DRAM1: variants seen among roughly 807,000 people sequenced by gnomAD.
The protein encoded by DRAM1 is DNA damage-regulated autophagy modulator protein 1.
A neutral mutation model predicts 28.5 loss-of-function variants in DRAM1; 25 were observed. The observed-to-expected ratio is 0.88, with a 90% CI of 0.64 to 1.23. DRAM1 has a LOEUF of 1.23. Among genes scored for constraint, DRAM1 ranks in the 50% most tolerant of loss-of-function variants. The probability of loss-of-function intolerance (pLI) is 0.00; values close to 1 mark genes in which losing one functional copy is unlikely to be tolerated. For synonymous variants in DRAM1, 113 were observed against 114.2 expected, an observed-to-expected ratio of 0.99 and a Z score of 0.07; for missense variants, 249 against 299.2, an observed-to-expected ratio of 0.83 and a Z score of 1.24.
At chr12:101,894,989 C>G (rs1422376134) in intron 1 of DRAM1, among the ~76,000 whole-genome samples, 1 of 152,038 alleles carries the variant, frequency 6.6e-6, no homozygotes, top group East Asian at 1.9e-4. Flanking sequence ...ATTTCCCTGG[C>G]AGAGTTAATT....
intron 1 of DRAM1, among the ~76,000 whole-genome samples, chr12:101,881,785 T>C (rs1872695314): frequency 6.6e-6 from 1 of 152,226 alleles, no homozygotes; most frequent in African/African-American, 2.4e-5. Flanking sequence ...ACCTGACCAC[T>C]ACTGGTCTCC....
chr12:101,891,976 C>T (rs1873143868), intron 1 of DRAM1, among the ~76,000 whole-genome samples: 1 of 152,140 alleles, frequency 6.6e-6, no homozygotes, highest in Non-Finnish European at 1.5e-5. Context: ...ATGATGGAAT[C>T]ATTTAGCTTG....
chr12:101,878,403 A>G (rs532321295), intron 1 of DRAM1, among the ~76,000 whole-genome samples: 43 of 152,276 alleles, frequency 2.8e-4, no homozygotes, highest in African/African-American at 1.0e-3. Context: ...CATCAACGTG[A>G]CACTGATGTC....
chr12:101,886,868 G>A (rs974728905), intron 1 of DRAM1, among the ~76,000 whole-genome samples: 3 of 152,168 alleles, frequency 2.0e-5, no homozygotes, highest in African/African-American at 7.2e-5. Context: ...TGGTTGGGCC[G>A]GATGCAGTGG....
intron 1 of DRAM1, among the ~76,000 whole-genome samples, chr12:101,879,286 G>A (rs1471419766): frequency 1.3e-5 from 2 of 152,120 alleles, no homozygotes; most frequent in Non-Finnish European, 2.9e-5. Context: ...GTGTGAGCCA[G>A]TGTTCCCAGG....
intron 1 of DRAM1, among the ~76,000 whole-genome samples, chr12:101,897,539 T>C (rs1873431898): frequency 6.6e-6 from 1 of 152,088 alleles, no homozygotes; most frequent in Admixed American, 6.6e-5. Flanking sequence ...TGTTTTTGTT[T>C]TTCTTTTTCA....
At chr12:101,880,278 CTTTTTTTTTTTTTTTTT>C (rs61082909) in intron 1 of DRAM1, among the ~76,000 whole-genome samples, 1 of 70,094 alleles carries the variant, frequency 1.4e-5, no homozygotes, top group Non-Finnish European at 2.5e-5. Flanking sequence ...GCAATGCTTC[CTTTTTTTTTTTTTTTTT>C]TTTTTTTTTT....
At chr12:101,913,032 A>G (rs1206216125) in intron 4 of DRAM1, among the ~76,000 whole-genome samples, 2 of 152,096 alleles carry the variant, frequency 1.3e-5, no homozygotes, top group African/African-American at 4.8e-5. Flanking sequence ...CCGGCCTAAC[A>G]TTTTGAATTT....
intron 1 of DRAM1, among the ~76,000 whole-genome samples, chr12:101,894,386 G>A (rs1566123504): frequency 6.6e-6 from 1 of 152,060 alleles, no homozygotes; most frequent in Non-Finnish European, 1.5e-5. Flanking sequence ...CAAAGTGCTG[G>A]GATTACAGGC....
intron 3 of DRAM1, among the ~76,000 whole-genome samples, chr12:101,904,449 TTTTTTTTTTTGA>T (rs1873725994): frequency 9.7e-6 from 1 of 103,162 alleles, no homozygotes; most frequent in African/African-American, 4.9e-5. Context: ...TTTTTTTTTT[TTTTTTTTTTTGA>T]GACAGAGTCT....
At chr12:101,883,594 G>A (rs546831604) in intron 1 of DRAM1, among the ~76,000 whole-genome samples, 5 of 150,804 alleles carry the variant, frequency 3.3e-5, no homozygotes, top group South Asian at 2.1e-4. Flanking sequence ...GATTACAGGC[G>A]TGAGCCACTG....
chr12:101,916,910 A>C (rs1462816261), intron 5 of DRAM1, among the ~76,000 whole-genome samples: 2 of 152,230 alleles, frequency 1.3e-5, no homozygotes, highest in Non-Finnish European at 2.9e-5. Context: ...TGAAGAATAA[A>C]AAAATGCTGA....
intron 3 of DRAM1, among the ~76,000 whole-genome samples, chr12:101,903,748 A>G (rs573104291): frequency 1.3e-5 from 2 of 152,264 alleles, no homozygotes; most frequent in East Asian, 3.9e-4. Flanking sequence ...TGATTTAATC[A>G]TTCCACAGTG....
chr12:101,891,804 A>G (rs144116101), intron 1 of DRAM1, among the ~76,000 whole-genome samples: 1 of 152,370 alleles, frequency 6.6e-6, no homozygotes, highest in African/African-American at 2.4e-5. Context: ...ACTGCACTGC[A>G]GAAACTGTGT....
intron 3 of DRAM1, among the ~76,000 whole-genome samples, chr12:101,906,777 C>T (rs570158176): frequency 6.7e-6 from 1 of 150,346 alleles, no homozygotes; most frequent in African/African-American, 2.4e-5. Context: ...ATCGCTTGAA[C>T]CCGGCAGGTG....
chr12:101,919,284 G>GCACACACA (rs545205706), intron 5 of DRAM1, among the ~76,000 whole-genome samples: 1 of 147,518 alleles, frequency 6.8e-6, no homozygotes, highest in Non-Finnish European at 1.5e-5. Flanking sequence ...ACACACACAC[G>GCACACACA]CACACACACA....
chr12:101,899,230 G>A (rs1161495041), intron 2 of DRAM1, among the ~76,000 whole-genome samples: 1 of 152,190 alleles, frequency 6.6e-6, no homozygotes, highest in East Asian at 1.9e-4. Flanking sequence ...TAGCAATATG[G>A]AGTCAGTCAA....
intron 3 of DRAM1, among the ~76,000 whole-genome samples, chr12:101,903,961 ACC>A (rs1555283259): frequency 2.6e-5 from 3 of 116,454 alleles, no homozygotes; most frequent in African/African-American, 5.9e-5. Context: ...ACACACACAC[ACC>A]CCTATAAGCC....
rs1378226030 is a variant in DRAM1, at chr12:101,886,268, GC to G, written c.131+8350del. On this transcript the variant is annotated intron_variant, in intron 1 of 6. Coordinates refer to ENST00000258534, the MANE Select transcript of DRAM1 (RefSeq NM_018370.3). ...AAGAGCAACAGCTTTGGAACAGACA[GC>G]CTGGATTAGGGTATGGCTCCATTAT... Among the ~76,000 whole-genome samples, 66 of 152,212 alleles carry G rather than the reference GC, an allele frequency of 4.3e-4. 2 individuals carry two copies.
Sources: gnomAD v4.1 joint callset for allele counts (sites outside exome capture counted in the v4.1 genomes callset) on GRCh38, gnomAD v4.1.1 for gene constraint, MANE v1.5 for transcripts, NCBI Gene and HGNC (gene_info 2026-07-23, HGNC 2026-07-21) for gene names.